LINC00237: variants seen among roughly 807,000 people sequenced by gnomAD.
The protein encoded by LINC00237 is long independently transcribed non-coding RNA 237, also known as long intergenic non-protein coding RNA 237.
chr20:21,104,999 G>A (rs898132808), intron 1 of LINC00237, among the ~76,000 whole-genome samples: 2 of 152,124 alleles, frequency 1.3e-5, no homozygotes, highest in African/African-American at 2.4e-5. Context: ...CATATCCAAG[G>A]AGCCCAACCT....
chr20:21,087,017 A>AG (rs2030720995), intron 3 of LINC00237, among the ~76,000 whole-genome samples: 1 of 144,924 alleles, frequency 6.9e-6, no homozygotes, highest in Non-Finnish European at 1.5e-5. Context: ...TATAGTATAT[A>AG]TGTACTCTAT....
chr20:21,105,844 C>T (rs1255011592), intron 1 of LINC00237, among the ~76,000 whole-genome samples: 1 of 152,160 alleles, frequency 6.6e-6, no homozygotes, highest in African/African-American at 2.4e-5. Flanking sequence ...TGAACCCCGC[C>T]GAGCACTAGG....
chr20:21,086,853 CT>C lies in LINC00237; in HGVS notation n.560-966del, dbSNP rs199875213. 6.8e-3 allele frequency among the ~76,000 whole-genome samples: 854 copies of C among 124,712 alleles called. 5 individuals are homozygous for C. The highest frequency in any genetic ancestry group is 0.022 in the South Asian group (91 of 4,226). 81.8% of individuals were successfully genotyped at this position (124,712 alleles called of 152,430 possible). A position where few individuals can be genotyped will look rare whatever the true frequency, so the allele number is the denominator to read the frequency against. ...GTATACTATATATGTATAGTATACA[CT>C]ATATATGTATATAGTATACACTATA... is the stretch of plus-strand genomic sequence containing the variant. On this transcript the variant is annotated intron_variant and non_coding_transcript_variant, in intron 3 of 3. Coordinates refer to ENST00000691244, the Ensembl canonical transcript of LINC00237.
intron 1 of LINC00237, among the ~76,000 whole-genome samples, chr20:21,100,948 G>A (rs190670320): frequency 2.4e-4 from 36 of 152,326 alleles, no homozygotes; most frequent in African/African-American, 8.2e-4. Flanking sequence ...GCGCAGCCAC[G>A]ACGCGCCGCC....
intron 1 of LINC00237, among the ~76,000 whole-genome samples, chr20:21,094,689 G>C (rs1337595183): frequency 6.6e-6 from 1 of 152,178 alleles, no homozygotes; most frequent in Non-Finnish European, 1.5e-5. Flanking sequence ...CTAATTGGAG[G>C]CTGAAGTGAG....
intron 2 of LINC00237, chr20:21,092,681 C>T (rs1054879436): frequency 6.6e-6 from 1 of 152,176 alleles, no homozygotes; most frequent in Non-Finnish European, 1.5e-5. Context: ...TGGATTTCTT[C>T]CCGATCTTTA....
At position 21,091,060 on chromosome 20, in the gene LINC00237, CGTGT is replaced by C. The variant is rs57771489; in HGVS notation, n.472+2405_472+2408del. On this transcript the variant is annotated intron_variant and non_coding_transcript_variant, in intron 2 of 3. Coordinates refer to ENST00000691244, the Ensembl canonical transcript of LINC00237. ...GTGTAAATGTGCGTGTGTGTGTGTG[CGTGT>C]GTGTGTGTGTGTGTGTGTGTTACCT... Among the ~76,000 whole-genome samples the C allele has an allele frequency of 6.9e-3, 1,009 of 147,194 alleles. 15 individuals are homozygous for C. The highest frequency in any genetic ancestry group is 0.021 in the African/African-American group (867 of 40,356).
At chr20:21,096,250 T>G (rs1398545419) in intron 1 of LINC00237, among the ~76,000 whole-genome samples, 1 of 152,246 alleles carries the variant, frequency 6.6e-6, no homozygotes. Flanking sequence ...TATCGCCATA[T>G]AAGCAGTCCA....
At chr20:21,092,332 G>A (rs953327911) in intron 2 of LINC00237, among the ~76,000 whole-genome samples, 1 of 152,218 alleles carries the variant, frequency 6.6e-6, no homozygotes, top group Non-Finnish European at 1.5e-5. Flanking sequence ...AAGTCTCAGT[G>A]TGGTTGGAAC....
chr20:21,101,999 A>G lies in LINC00237; in HGVS notation n.88+4272T>C, dbSNP rs981832205. On this transcript the variant is annotated intron_variant and non_coding_transcript_variant, in intron 1 of 3. Coordinates refer to ENST00000691244, the Ensembl canonical transcript of LINC00237. The surrounding 1 kb of genome is among the most constrained non-coding windows in gnomAD (Gnocchi z 4.3). Reference sequence around the variant, plus strand: ...CCCCAGGCCGGCTTTGGATCCTTGGAGGCGGATACGCAAGGCCAGACCTGG... The same window carrying G: ...CCCCAGGCCGGCTTTGGATCCTTGGGGGCGGATACGCAAGGCCAGACCTGG... 6.6e-6 allele frequency among the ~76,000 whole-genome samples: 1 copy of G among 152,230 alleles called. No homozygotes were observed. The highest frequency in any genetic ancestry group is 2.4e-5 in the African/African-American group (1 of 41,468).
At chr20:21,089,606 T>C (rs770223666) in intron 2 of LINC00237, 1 of 152,112 alleles carries the variant, frequency 6.6e-6, no homozygotes. Context: ...CTAGTAAAAA[T>C]GATTTTTAAA....
chr20:21,105,822 C>G (rs922646978), intron 1 of LINC00237, among the ~76,000 whole-genome samples: 4 of 152,176 alleles, frequency 2.6e-5, no homozygotes, highest in Non-Finnish European at 5.9e-5. Flanking sequence ...TCCCTCTTCC[C>G]CCGGACCTGC....
At chr20:21,086,494 TATAG>T (rs937445030) in intron 3 of LINC00237, among the ~76,000 whole-genome samples, 3 of 147,646 alleles carry the variant, frequency 2.0e-5, no homozygotes, top group Non-Finnish European at 3.0e-5. Context: ...TATCTATATA[TATAG>T]AGAGAGATAC....
chr20:21,102,357 C>A (rs1485356785), intron 1 of LINC00237, among the ~76,000 whole-genome samples: 1 of 152,218 alleles, frequency 6.6e-6, no homozygotes, highest in Admixed American at 6.5e-5. Context: ...CTGGAACCTT[C>A]CCTCTAGCCG....
At chr20:21,100,765 T>C (rs2030920502) in intron 1 of LINC00237, among the ~76,000 whole-genome samples, 1 of 152,190 alleles carries the variant, frequency 6.6e-6, no homozygotes, top group African/African-American at 2.4e-5. Context: ...TCTGAGCTTG[T>C]GGCTTAAACG....
chr20:21,088,342 T>TA (rs1231385144), intron 2 of LINC00237, among the ~76,000 whole-genome samples: 1 of 152,220 alleles, frequency 6.6e-6, no homozygotes, highest in Non-Finnish European at 1.5e-5. Flanking sequence ...GCATTTCTGT[T>TA]ATTACTGATA....
intron 2 of LINC00237, among the ~76,000 whole-genome samples, chr20:21,089,417 C>CA (rs2030761214): frequency 6.6e-6 from 1 of 151,836 alleles, no homozygotes; most frequent in Non-Finnish European, 1.5e-5. Context: ...CTTGAAATAT[C>CA]AAAACCTCAC....
intron 2 of LINC00237, among the ~76,000 whole-genome samples, chr20:21,091,623 C>T (rs561810490): frequency 4.1e-4 from 62 of 152,262 alleles, no homozygotes; most frequent in African/African-American, 1.5e-3. Context: ...GAAGGTTTAA[C>T]GACTCCACCA....
intron 1 of LINC00237, among the ~76,000 whole-genome samples, chr20:21,100,106 T>C (rs1014427834): frequency 8.5e-5 from 13 of 152,230 alleles, no homozygotes; most frequent in African/African-American, 3.1e-4. Flanking sequence ...TTTTCTTTTT[T>C]AAGAACTCGA....
Sources: gnomAD v4.1 joint callset for allele counts (sites outside exome capture counted in the v4.1 genomes callset) on GRCh38, gnomAD v4.1.1 for gene constraint, Gnocchi (gnomAD v3.1) non-coding constraint, MANE v1.5 for transcripts, NCBI Gene and HGNC (gene_info 2026-07-23, HGNC 2026-07-21) for gene names.